The following CSTF3 variants were observed in gnomAD, a reference collection of about 807,000 sequenced individuals.
The protein encoded by CSTF3 is CF-1 77 kDa subunit.
CSTF3 carries 29 observed loss-of-function variants against 105.8 expected under a neutral mutation model. The ratio of observed to expected loss-of-function variants is 0.27; its 90% confidence interval spans 0.20 to 0.37. The LOEUF (loss-of-function observed/expected upper bound fraction) is 0.37. CSTF3 is among the 10% of genes least tolerant of loss of function. The pLI, the probability that CSTF3 is intolerant of heterozygous loss-of-function variation, is 1.00. For synonymous variants in CSTF3, 252 were observed against 281.9 expected (o/e 0.89, Z 1.06); for missense variants, 357 against 879.3 (o/e 0.41, Z 7.51).
chr11:33,147,376 C>G (rs1393840752), intron 1 of CSTF3, among the ~76,000 whole-genome samples: 1 of 151,722 alleles, frequency 6.6e-6, no homozygotes, highest in African/African-American at 2.4e-5. Context: ...GTGGGCAGAT[C>G]ACGAGGTCAG....
chr11:33,147,576 C>CA (rs549719369), intron 1 of CSTF3, among the ~76,000 whole-genome samples: 197 of 126,136 alleles, frequency 1.6e-3, no homozygotes, highest in South Asian at 5.9e-3. Flanking sequence ...GACTTAGTCT[C>CA]AAAAAAAAAA....
intron 3 of CSTF3, among the ~76,000 whole-genome samples, chr11:33,122,183 A>G (rs1303431353): frequency 2.0e-5 from 3 of 152,244 alleles, no homozygotes; most frequent in Non-Finnish European, 4.4e-5. Flanking sequence ...CAAATTCTAT[A>G]AAGTATTTAA....
intron 14 of CSTF3, 99 bp downstream of exon 14, chr11:33,096,736 G>T: frequency 8.5e-7 from 1 of 1,171,558 alleles, no homozygotes; most frequent in Non-Finnish European, 1.2e-6. Context: ...ACAAAATGGA[G>T]CAATAAAAGC....
intron 3 of CSTF3, among the ~76,000 whole-genome samples, chr11:33,132,939 A>G (rs1855614594): frequency 1.3e-5 from 2 of 151,322 alleles, no homozygotes; most frequent in South Asian, 2.1e-4. Context: ...CAGTTTATAT[A>G]TAATATATAT....
chr11:33,120,957 T>A (rs2133786715), intron 3 of CSTF3, among the ~76,000 whole-genome samples: 1 of 152,148 alleles, frequency 6.6e-6, no homozygotes, highest in Middle Eastern at 3.4e-3. Context: ...TATCAGTAAA[T>A]TCAGACTAAA....
chr11:33,136,106 A>T (rs1016211566), intron 3 of CSTF3: 8 of 152,330 alleles, frequency 5.3e-5, no homozygotes, highest in Non-Finnish European at 7.4e-5. Context: ...AAATGGTAAA[A>T]CTTACCCACA....
intron 1 of CSTF3, among the ~76,000 whole-genome samples, chr11:33,155,215 G>C (rs1471449524): frequency 1.3e-5 from 2 of 151,634 alleles, no homozygotes; most frequent in African/African-American, 4.8e-5. Flanking sequence ...AATTAGCTGG[G>C]CGTGAGGGCG....
intron 3 of CSTF3, among the ~76,000 whole-genome samples, chr11:33,132,850 A>T (rs781342422): frequency 1.6e-3 from 238 of 152,272 alleles, no homozygotes; most frequent in Middle Eastern, 6.8e-3. Flanking sequence ...CATTATTTTT[A>T]AAATATCTAA....
At chr11:33,128,008 A>C (rs1244636885) in intron 3 of CSTF3, among the ~76,000 whole-genome samples, 1 of 152,208 alleles carries the variant, frequency 6.6e-6, no homozygotes, top group Non-Finnish European at 1.5e-5. Flanking sequence ...ATATAAAATA[A>C]GCAATCTTTT....
rs537592325 is a variant in CSTF3 at position 33,136,687 on chromosome 11, T to G, written c.225+4980A>C. On this transcript the variant is annotated intron_variant, in intron 3 of 20. Transcript: ENST00000323959. ...TGTAAAAAGTCTCATGTGTTAGAAT[T>G]AGTTTTATTTCCAAATATGGAGGTT... 2.0e-5 allele frequency among the ~76,000 whole-genome samples: 3 copies of G among 152,044 alleles called. No individual in the cohort carries two copies. In the South Asian group the frequency reaches 6.2e-4, roughly 31 times the overall value.
chr11:33,087,290 A>G lies in CSTF3; in HGVS notation c.1642-149T>C, dbSNP rs1855116128. ...GATAAGCAAGGACTCTAATGATGGT[A>G]AAGATTGTTACTCAACAAGGAAAGC... On this transcript the variant is annotated intron_variant, in intron 17 of 20. Transcript: ENST00000323959. 10 of 777,810 alleles carry G rather than the reference A, an allele frequency of 1.3e-5. No individual in the cohort carries two copies. In the South Asian group the frequency reaches 1.7e-4, roughly 14 times the overall value. 48.2% of individuals were successfully genotyped at this position (777,810 alleles called of 1,614,324 possible). A position where few individuals can be genotyped will look rare whatever the true frequency, so the allele number is the denominator to read the frequency against.
intron 1 of CSTF3, among the ~76,000 whole-genome samples, chr11:33,158,723 T>G (rs982151113): frequency 1.9e-4 from 29 of 152,248 alleles, no homozygotes; most frequent in Admixed American, 1.6e-3. Flanking sequence ...CCAAAAATAC[T>G]TAACCCAAAT....
Position 33,099,858 on chromosome 11 carries a change from C to T in CSTF3, c.827-141G>A. 2.0e-6 allele frequency: 1 copy of T among 510,676 alleles called. No homozygotes were observed. The highest frequency in any genetic ancestry group is 3.4e-6 in the Non-Finnish European group (1 of 292,956). The allele number at this position is 510,676 out of a possible 1,614,324, so 31.6% of individuals were successfully genotyped here. A position where few individuals can be genotyped will look rare whatever the true frequency, so the allele number is the denominator to read the frequency against. Reference sequence around the variant, plus strand: ...AAAAAGCTTTAGTGATTTCTGGCACCATCATCCATCCAAGTTCCCTCCATC... The same window carrying T: ...AAAAAGCTTTAGTGATTTCTGGCACTATCATCCATCCAAGTTCCCTCCATC... On this transcript the variant is annotated intron_variant, in intron 10 of 20. Coordinates refer to ENST00000323959, the MANE Select transcript of CSTF3 (RefSeq NM_001326.3). This position sits in a 1 kb window ranked among gnomAD's most constrained non-coding sequence, Gnocchi z 4.1.
chr11:33,152,757 G>A (rs1169749859), intron 1 of CSTF3, among the ~76,000 whole-genome samples: 3 of 152,026 alleles, frequency 2.0e-5, no homozygotes, highest in South Asian at 2.1e-4. Flanking sequence ...TCAGGAGTTC[G>A]AGACCAGCCT....
intron 1 of CSTF3, among the ~76,000 whole-genome samples, chr11:33,148,652 C>T (rs915036221): frequency 1.3e-5 from 2 of 151,470 alleles, no homozygotes; most frequent in South Asian, 2.1e-4. Flanking sequence ...GCCGAGATTA[C>T]GCCACAGCAC....
chr11:33,089,526 A>C (rs1855145275), intron 17 of CSTF3, among the ~76,000 whole-genome samples: 1 of 152,218 alleles, frequency 6.6e-6, no homozygotes, highest in South Asian at 2.1e-4. Flanking sequence ...CTGTAGTCTT[A>C]AACTATCTTT....
intron 3 of CSTF3, among the ~76,000 whole-genome samples, chr11:33,139,302 T>G (rs537131525): frequency 6.6e-6 from 1 of 151,848 alleles, no homozygotes; most frequent in African/African-American, 2.4e-5. Flanking sequence ...TATAAAGAAA[T>G]GAACATTACA....
At chr11:33,136,734 G>A (rs1488270463) in intron 3 of CSTF3, among the ~76,000 whole-genome samples, 1 of 151,846 alleles carries the variant, frequency 6.6e-6, no homozygotes, top group African/African-American at 2.4e-5. Flanking sequence ...GATATTATGA[G>A]GGGCTTACAT....
At chr11:33,101,338 C>G (rs967765721) in intron 10 of CSTF3, among the ~76,000 whole-genome samples, 1 of 152,134 alleles carries the variant, frequency 6.6e-6, no homozygotes, top group Non-Finnish European at 1.5e-5. Flanking sequence ...ACAAACAGAC[C>G]AGCAGAAAAC....
Sources: allele counts gnomAD v4.1 joint callset (sites outside exome capture counted in the v4.1 genomes callset), GRCh38; gene constraint gnomAD v4.1.1; non-coding constraint Gnocchi (gnomAD v3.1); transcripts MANE v1.5; gene names NCBI Gene and HGNC (gene_info 2026-07-23, HGNC 2026-07-21).